Variants in PDE4D observed in about 807,000 individuals in gnomAD.
PDE4D encodes 3',5'-cyclic-AMP phosphodiesterase 4D.
A neutral mutation model predicts 87.4 loss-of-function variants in PDE4D; 24 were observed. The observed-to-expected ratio is 0.27, with a 90% CI of 0.20 to 0.39. The LOEUF is 0.39. PDE4D is among the 10% of genes least tolerant of loss of function. PDE4D has a pLI of 1.00. For missense variants in PDE4D, 714 were observed against 1,041.0 expected, an observed-to-expected ratio of 0.69 and a Z score of 4.32; for synonymous variants, 384 against 383.2, an observed-to-expected ratio of 1.00 and a Z score of -0.02.
chr5:60,385,821 C>T (rs1236075189), intron 1 of PDE4D, among the ~76,000 whole-genome samples: 1 of 152,176 alleles, frequency 6.6e-6, no homozygotes, highest in Non-Finnish European at 1.5e-5. Context: ...AATACACCAA[C>T]TTTTTAGGAA....
At chr5:58,980,599 G>T (rs954243811) in intron 11 of PDE4D, among the ~76,000 whole-genome samples, 2 of 150,010 alleles carry the variant, frequency 1.3e-5, no homozygotes, top group African/African-American at 4.9e-5. Context: ...GGATCATCAA[G>T]AATAAATTAA....
intron 2 of PDE4D, among the ~76,000 whole-genome samples, chr5:59,210,677 G>A (rs1306248723): frequency 1.3e-5 from 2 of 152,166 alleles, no homozygotes; most frequent in Non-Finnish European, 2.9e-5. Flanking sequence ...CCCTCTGAAT[G>A]CATTCACCCC....
intron 1 of PDE4D, among the ~76,000 whole-genome samples, chr5:59,286,067 C>A (rs1241996178): frequency 1.3e-5 from 2 of 152,204 alleles, no homozygotes; most frequent in Non-Finnish European, 2.9e-5. Flanking sequence ...TTTGTATCAA[C>A]CACATGAAGA....
chr5:59,324,866 G>C (rs1775367412), intron 1 of PDE4D, among the ~76,000 whole-genome samples: 2 of 152,100 alleles, frequency 1.3e-5, no homozygotes, highest in South Asian at 4.1e-4. Context: ...TTATTAATGA[G>C]AATTTATGCT....
chr5:59,191,998 A>T (rs1744430683), intron 3 of PDE4D, among the ~76,000 whole-genome samples: 1 of 152,212 alleles, frequency 6.6e-6, no homozygotes. Context: ...AAGAATTCAT[A>T]ATCTCCAGCA....
intron 2 of PDE4D, among the ~76,000 whole-genome samples, chr5:59,198,345 A>G (rs1418954107): frequency 6.6e-6 from 1 of 152,114 alleles, no homozygotes; most frequent in East Asian, 1.9e-4. Context: ...GTATACATGT[A>G]TGTATGTATG....
At position 60,155,529 on chromosome 5, in the gene PDE4D, A is replaced by G. The variant is rs186211462; in HGVS notation, c.42+30028T>C. ...ATTCTTCAATCATTCATATGAGATG[A>G]TATGGCTCCATTACATGAATGTATT... is the stretch of plus-strand genomic sequence containing the variant. On this transcript the variant is annotated intron_variant, in intron 2 of 16. Coordinates refer to the PDE4D transcript ENST00000502484. Among the ~76,000 whole-genome samples the G allele has an allele frequency of 2.5e-3, 388 of 152,324 alleles. 2 individuals carry two copies. Among genetic ancestry groups the G allele is most frequent in the Admixed American group, 4.8e-3 (73 of 15,302 alleles).
At chr5:60,408,997 C>T (rs1012393798) in intron 1 of PDE4D, among the ~76,000 whole-genome samples, 3 of 152,148 alleles carry the variant, frequency 2.0e-5, no homozygotes, top group Admixed American at 6.5e-5. Context: ...GTGCCAGGTC[C>T]TCTGCCAGCC....
At chr5:59,160,665 A>C (rs1310276389) in intron 5 of PDE4D, among the ~76,000 whole-genome samples, 1 of 152,118 alleles carries the variant, frequency 6.6e-6, no homozygotes, top group Non-Finnish European at 1.5e-5. Context: ...TTTAAGGAAC[A>C]GACAAATTTG....
chr5:60,491,541 T>C (rs1749532540), upstream of PDE4D: 2 of 152,244 alleles, frequency 1.3e-5, no homozygotes, highest in South Asian at 4.1e-4. Flanking sequence ...AGTACTCATA[T>C]ATTGCAGTCA....
chr5:59,814,373 T>G (rs1462349774), intron 1 of PDE4D, among the ~76,000 whole-genome samples: 1 of 152,198 alleles, frequency 6.6e-6, no homozygotes, highest in Admixed American at 6.5e-5. Context: ...CCCTGCATGC[T>G]ATCTATAGTA....
intron 1 of PDE4D, among the ~76,000 whole-genome samples, chr5:59,851,106 C>A (rs1744604692): frequency 6.6e-6 from 1 of 151,992 alleles, no homozygotes. Flanking sequence ...AATCAGCAAC[C>A]ATGTTATGAA....
rs1211854791 is a variant in PDE4D at position 59,985,144 on chromosome 5, TG to T, written c.272+3343del. Among the ~76,000 whole-genome samples the T allele has an allele frequency of 1.9e-3, 226 of 120,370 alleles. 34 individuals are homozygous for T. The East Asian group carries it at 0.022, about 12-fold the overall frequency. 79.0% of individuals were successfully genotyped at this position (120,370 alleles called of 152,430 possible). On this transcript the variant is annotated intron_variant, in intron 3 of 16. Transcript: ENST00000502484. Reference sequence around the variant, plus strand: ...CTTTCGTTTTTTGTTTTTTGTTTTTTGTTTTTTATTTTGAGACAGAGTCTCA... The same window carrying T: ...CTTTCGTTTTTTGTTTTTTGTTTTTTTTTTTTATTTTGAGACAGAGTCTCA...
intron 3 of PDE4D, among the ~76,000 whole-genome samples, chr5:59,903,980 G>A (rs1453143030): frequency 1.3e-5 from 2 of 152,084 alleles, no homozygotes; most frequent in Non-Finnish European, 2.9e-5. Context: ...TTACAGCTTT[G>A]CTGAGCCTTA....
intron 1 of PDE4D, among the ~76,000 whole-genome samples, chr5:59,268,120 C>T (rs1325446361): frequency 6.6e-6 from 1 of 151,982 alleles, no homozygotes; most frequent in African/African-American, 2.4e-5. Flanking sequence ...TTGAAATATT[C>T]CCTTGTGTTT....
chr5:60,092,583 A>AG (rs957960650), intron 2 of PDE4D, among the ~76,000 whole-genome samples: 1 of 151,944 alleles, frequency 6.6e-6, no homozygotes, highest in Admixed American at 6.6e-5. Flanking sequence ...TTTCAATAAA[A>AG]AAAGAGAGAA....
chr5:59,246,310 T>C (rs1301416054), intron 1 of PDE4D, among the ~76,000 whole-genome samples: 1 of 152,050 alleles, frequency 6.6e-6, no homozygotes, highest in East Asian at 1.9e-4. Flanking sequence ...TCAGCATCTG[T>C]TTTGCTTCAC....
chr5:59,796,534 G>T (rs1394335271), intron 1 of PDE4D, among the ~76,000 whole-genome samples: 1 of 152,144 alleles, frequency 6.6e-6, no homozygotes, highest in Non-Finnish European at 1.5e-5. Context: ...TCCTCTTGGA[G>T]GCCATACCCT....
At chr5:60,441,543 T>G (rs1745210802) in intron 1 of PDE4D, among the ~76,000 whole-genome samples, 1 of 152,108 alleles carries the variant, frequency 6.6e-6, no homozygotes, top group African/African-American at 2.4e-5. Context: ...ATTTCATGAC[T>G]AAAACACCAA....
Sources: gnomAD v4.1 joint callset for allele counts (sites outside exome capture counted in the v4.1 genomes callset) on GRCh38, gnomAD v4.1.1 for gene constraint, MANE v1.5 for transcripts, NCBI Gene and HGNC (gene_info 2026-07-23, HGNC 2026-07-21) for gene names.